The following RORA variants were observed in gnomAD, a reference collection of about 807,000 sequenced individuals.
RORA encodes nuclear receptor ROR-alpha.
In RORA, 7 loss-of-function variants were observed where a neutral mutation model predicts 69.5. That is an observed-to-expected ratio of 0.10 (90% CI 0.06 to 0.19). RORA has a LOEUF of 0.19. Among genes scored for constraint, RORA ranks in the 10% least tolerant of loss-of-function variants. The pLI is 1.00. For synonymous variants in RORA, 261 were observed against 240.8 expected, an observed-to-expected ratio of 1.08 and a Z score of -0.78; for missense variants, 457 against 663.0, an observed-to-expected ratio of 0.69 and a Z score of 3.41.
chr15:61,075,049 T>G (rs1017787559), intron 1 of RORA, among the ~76,000 whole-genome samples: 2 of 149,898 alleles, frequency 1.3e-5, no homozygotes, highest in African/African-American at 4.9e-5. Flanking sequence ...ATCGTGGCAC[T>G]GCACTCCAGC....
chr15:60,562,329 G>C (rs1361107580), intron 2 of RORA, among the ~76,000 whole-genome samples: 2 of 152,146 alleles, frequency 1.3e-5, no homozygotes, highest in East Asian at 3.8e-4. Flanking sequence ...TTGACCTCCT[G>C]GGCTCAGACA....
chr15:60,853,608 T>C (rs1056829343), intron 1 of RORA, among the ~76,000 whole-genome samples: 3 of 152,208 alleles, frequency 2.0e-5, no homozygotes, highest in African/African-American at 7.2e-5. Context: ...ATTTGGAAAC[T>C]GGCTCCAGAT....
intron 1 of RORA, among the ~76,000 whole-genome samples, chr15:61,139,073 G>A (rs1198117132): frequency 2.0e-5 from 3 of 152,112 alleles, no homozygotes; most frequent in Admixed American, 6.5e-5. Flanking sequence ...GAACCCAGGA[G>A]GCGGAGCTTG....
chr15:60,510,136 C>T (rs1460650710), intron 5 of RORA, among the ~76,000 whole-genome samples: 1 of 152,164 alleles, frequency 6.6e-6, no homozygotes, highest in Non-Finnish European at 1.5e-5. Flanking sequence ...AAGTCTGAAC[C>T]TGCTGTTTCT....
At chr15:60,641,203 C>G (rs751141624) in intron 2 of RORA, among the ~76,000 whole-genome samples, 1 of 152,204 alleles carries the variant, frequency 6.6e-6, no homozygotes, top group Non-Finnish European at 1.5e-5. Flanking sequence ...TCGTCTGCCT[C>G]AGCCTCCCAA....
chr15:61,024,270 C>CTTTTTTTT (rs34008494), intron 1 of RORA, among the ~76,000 whole-genome samples: 2 of 79,394 alleles, frequency 2.5e-5, no homozygotes, highest in Non-Finnish European at 4.5e-5. Context: ...TCTTGGATCT[C>CTTTTTTTT]TTTTTTTTTT....
intron 1 of RORA, among the ~76,000 whole-genome samples, chr15:60,947,173 G>A (rs1892915180): frequency 6.6e-6 from 1 of 152,140 alleles, no homozygotes; most frequent in Non-Finnish European, 1.5e-5. Context: ...CTGCCCAGCC[G>A]CCACCCCGTC....
chr15:60,948,433 T>C (rs931503297), intron 1 of RORA, among the ~76,000 whole-genome samples: 1 of 152,158 alleles, frequency 6.6e-6, no homozygotes, highest in Non-Finnish European at 1.5e-5. Flanking sequence ...GGCAAAATAC[T>C]CTCCATGGTT....
chr15:60,860,571 A>T (rs563276071), intron 1 of RORA, among the ~76,000 whole-genome samples: 152 of 152,344 alleles, frequency 1.0e-3, no homozygotes, highest in Non-Finnish European at 2.1e-3. Context: ...TATATAAAAC[A>T]TCAACCCACG....
At chr15:60,961,619 G>A (rs376450634) in intron 1 of RORA, among the ~76,000 whole-genome samples, 11 of 152,268 alleles carry the variant, frequency 7.2e-5, no homozygotes, top group East Asian at 5.8e-4. Context: ...AGACTTTCCC[G>A]GCTCTGAATG....
At chr15:60,859,651 CTTTCTTTTTTT>C (rs953306095) in intron 1 of RORA, among the ~76,000 whole-genome samples, 6 of 96,424 alleles carry the variant, frequency 6.2e-5, no homozygotes, top group African/African-American at 1.6e-4. Flanking sequence ...TTCTTTCTTT[CTTTCTTTTTTT>C]TTTTTTTTTA....
chr15:61,181,097 C>A (rs367645477), intron 1 of RORA, among the ~76,000 whole-genome samples: 30 of 144,670 alleles, frequency 2.1e-4, no homozygotes, highest in Admixed American at 1.7e-3. Context: ...GAGCGAGATT[C>A]CATCTCAAAA....
intron 1 of RORA, among the ~76,000 whole-genome samples, chr15:61,132,160 A>G (rs1222679043): frequency 6.6e-6 from 1 of 152,258 alleles, no homozygotes; most frequent in Admixed American, 6.5e-5. Context: ...AATGCATGTA[A>G]TCTAGGGGTT....
At chr15:60,932,792 G>A (rs1035525714) in intron 1 of RORA, among the ~76,000 whole-genome samples, 30 of 152,114 alleles carry the variant, frequency 2.0e-4, no homozygotes, top group African/African-American at 6.8e-4. Context: ...GAGCTTGGCT[G>A]GCATGTGACA....
intron 1 of RORA, among the ~76,000 whole-genome samples, chr15:60,929,609 C>T (rs945340357): frequency 2.3e-4 from 35 of 152,156 alleles, no homozygotes; most frequent in African/African-American, 1.9e-4. Flanking sequence ...AGGCTCCAGT[C>T]GCATTCTCTT....
At position 60,514,684 on chromosome 15, in the gene RORA, C is replaced by G; in HGVS notation, c.356G>C (p.Arg119Pro). ...GTGTTGGCAGCGGTTTCTACTGGTT[C>G]GATCAATCAAACAGTTCTTCTGACG... is the stretch of plus-strand genomic sequence containing the variant. ...CPRQKNCLIDRTSRNRCQHCR... is the reference protein window; with the variant it reads ...CPRQKNCLIDPTSRNRCQHCR... The change falls in exon 4 of 11, where the codon CGA (arginine) becomes CCA (proline). Residue 119 changes from arginine (R) to proline (P), a missense_variant. Transcript: ENST00000335670. 2 of 1,613,850 alleles carry G rather than the reference C, an allele frequency of 1.2e-6. No individual in the cohort carries two copies. Among genetic ancestry groups the G allele is most frequent in the Non-Finnish European group, 1.7e-6 (2 of 1,179,770 alleles).
At chr15:61,223,994 G>C (rs186344169) in intron 1 of RORA, among the ~76,000 whole-genome samples, 31 of 108,698 alleles carry the variant, frequency 2.9e-4, no homozygotes, top group Admixed American at 2.4e-3. Context: ...CTTCCTGCGT[G>C]AATTAGATAT....
intron 1 of RORA, among the ~76,000 whole-genome samples, chr15:60,851,062 T>G (rs534864601): frequency 6.6e-6 from 1 of 152,288 alleles, no homozygotes; most frequent in East Asian, 1.9e-4. Context: ...TGGTAACATA[T>G]TGCTGTTGTC....
At position 60,611,559 on chromosome 15, in the gene RORA, CAAAAAAAAAAAAA is replaced by C. The variant is rs533598270; in HGVS notation, c.196+67085_196+67097del. Among the ~76,000 whole-genome samples, 330 of 35,832 alleles carry C rather than the reference CAAAAAAAAAAAAA, an allele frequency of 9.2e-3. 11 individuals are homozygous for C. Among genetic ancestry groups the C allele is most frequent in the African/African-American group, 0.035 (304 of 8,794 alleles). The allele number at this position is 35,832 out of a possible 152,430, so 23.5% of individuals were successfully genotyped here. A position where few individuals can be genotyped will look rare whatever the true frequency, so the allele number is the denominator to read the frequency against. On this transcript the variant is annotated intron_variant, in intron 2 of 10. Coordinates refer to ENST00000335670, the MANE Select transcript of RORA (RefSeq NM_134261.3). ...TTACCTCAAACAATCTTGAGTTTTG[CAAAAAAAAAAAAA>C]AAAAAAAAAAAAAAAAAGGTGGAGT...
Sources: gnomAD v4.1 joint callset for allele counts (sites outside exome capture counted in the v4.1 genomes callset) on GRCh38, gnomAD v4.1.1 for gene constraint, MANE v1.5 for transcripts, NCBI Gene and HGNC (gene_info 2026-07-23, HGNC 2026-07-21) for gene names.